The following PRR16 variants were observed in gnomAD, a reference collection of about 807,000 sequenced individuals.
The protein encoded by PRR16 is proline rich 16, also known as protein Largen.
Under a neutral mutation model 18.2 loss-of-function variants are expected in PRR16, and 6 were observed. The observed-to-expected ratio is 0.33, with a 90% CI of 0.18 to 0.65. The LOEUF is 0.65. Ranked by LOEUF, PRR16 falls within the 30% of genes least tolerant of loss-of-function variation. The probability of loss-of-function intolerance (pLI) is 0.74; values close to 1 mark genes in which losing one functional copy is unlikely to be tolerated. For synonymous variants in PRR16, 151 were observed against 147.8 expected (o/e 1.02, Z -0.16); for missense variants, 412 against 376.6 (o/e 1.09, Z -0.78).
intron 1 of PRR16, among the ~76,000 whole-genome samples, chr5:120,588,904 C>G (rs909853940): frequency 3.3e-5 from 5 of 151,856 alleles, no homozygotes; most frequent in Admixed American, 3.3e-4. Context: ...AATAGGTTAT[C>G]TCTCTCTGTC....
chr5:120,646,130 G>A (rs1755594237), intron 1 of PRR16, among the ~76,000 whole-genome samples: 1 of 147,102 alleles, frequency 6.8e-6, no homozygotes, highest in African/African-American at 2.5e-5. Flanking sequence ...AAATGTAAAA[G>A]TGGCATGGGG....
the PRR16 span, among the ~76,000 whole-genome samples, chr5:120,737,308 T>A: frequency 6.0e-4 from 1 of 1,660 alleles, no homozygotes; most frequent in Non-Finnish European, 2.4e-3. Flanking sequence ...GTTTGTTGAG[T>A]TTTTTTTTTT....
the PRR16 span, among the ~76,000 whole-genome samples, chr5:120,750,131 T>G: frequency 6.6e-6 from 1 of 152,202 alleles, no homozygotes; most frequent in Non-Finnish European, 1.5e-5. Flanking sequence ...TTGAGTGTAA[T>G]ATTTTTGTGG....
At chr5:120,700,706 A>G in the PRR16 span, among the ~76,000 whole-genome samples, 1 of 152,136 alleles carries the variant, frequency 6.6e-6, no homozygotes, top group East Asian at 1.9e-4. Flanking sequence ...CAAGGGAAAC[A>G]GGCCCTTGAA....
At chr5:120,662,797 T>G (rs1756221221) in intron 1 of PRR16, among the ~76,000 whole-genome samples, 1 of 152,144 alleles carries the variant, frequency 6.6e-6, no homozygotes, top group African/African-American at 2.4e-5. Context: ...GAAGGTGAGC[T>G]TATTTCATTC....
chr5:120,733,841 AAAAC>A, the PRR16 span, among the ~76,000 whole-genome samples: 5 of 152,292 alleles, frequency 3.3e-5, no homozygotes, highest in East Asian at 5.8e-4. Flanking sequence ...TTGGTTTGAA[AAAAC>A]AAACAAAAAA....
intron 1 of PRR16, among the ~76,000 whole-genome samples, chr5:120,600,493 A>C (rs1040238687): frequency 1.3e-5 from 2 of 151,950 alleles, no homozygotes; most frequent in African/African-American, 4.8e-5. Context: ...AGCAGCATGT[A>C]AGAGGTAGCA....
At chr5:120,576,709 A>C (rs573530955) in intron 1 of PRR16, among the ~76,000 whole-genome samples, 6 of 152,174 alleles carry the variant, frequency 3.9e-5, no homozygotes, top group Admixed American at 3.3e-4. Context: ...ACCCAAACTG[A>C]TATCAGATCT....
chr5:120,766,444 C>CT, the PRR16 span, among the ~76,000 whole-genome samples: 1 of 151,898 alleles, frequency 6.6e-6, no homozygotes, highest in Admixed American at 6.6e-5. Flanking sequence ...TCTATTATAT[C>CT]TTTTTTTCAT....
intron 1 of PRR16, among the ~76,000 whole-genome samples, chr5:120,637,316 G>C (rs1448613857): frequency 7.2e-5 from 1 of 13,852 alleles, no homozygotes; most frequent in Admixed American, 1.2e-3. Flanking sequence ...GCCATTATAC[G>C]GAAAAAAAAA....
the PRR16 span, among the ~76,000 whole-genome samples, chr5:120,750,723 T>C: frequency 6.6e-6 from 1 of 152,138 alleles, no homozygotes. Context: ...ACATGTGTTA[T>C]TTTGATATAA....
intron 1 of PRR16, among the ~76,000 whole-genome samples, chr5:120,616,175 G>A (rs1386259182): frequency 6.6e-6 from 1 of 152,138 alleles, no homozygotes; most frequent in Non-Finnish European, 1.5e-5. Flanking sequence ...GTCAGTAATT[G>A]AGCAAGCTGG....
At chr5:120,736,537 C>CT in the PRR16 span, among the ~76,000 whole-genome samples, 1,997 of 53,986 alleles carry the variant, frequency 0.037, 248 homozygotes, top group African/African-American at 0.073. Context: ...AGTGTAAAGG[C>CT]TTTTTTTTTT....
chr5:120,771,416 T>C, the PRR16 span, among the ~76,000 whole-genome samples: 2 of 152,044 alleles, frequency 1.3e-5, no homozygotes, highest in Non-Finnish European at 2.9e-5. Context: ...CAGCATACTA[T>C]ACACAAAAGC....
At chr5:120,777,199 A>T in the PRR16 span, among the ~76,000 whole-genome samples, 1 of 152,112 alleles carries the variant, frequency 6.6e-6, no homozygotes, top group African/African-American at 2.4e-5. Context: ...AATAACTTTA[A>T]GGCAATGAAA....
chr5:120,729,461 C>T, the PRR16 span, among the ~76,000 whole-genome samples: 2 of 152,108 alleles, frequency 1.3e-5, no homozygotes, highest in African/African-American at 4.8e-5. Flanking sequence ...AAAAGATGCT[C>T]ACTAATATAT....
At chr5:120,524,947 T>C (rs1306712416) in intron 1 of PRR16, among the ~76,000 whole-genome samples, 1 of 152,130 alleles carries the variant, frequency 6.6e-6, no homozygotes, top group Non-Finnish European at 1.5e-5. Context: ...TCTTAAAATA[T>C]GATAATATAA....
chr5:120,714,567 G>A, the PRR16 span, among the ~76,000 whole-genome samples: 7 of 135,454 alleles, frequency 5.2e-5, no homozygotes, highest in African/African-American at 1.7e-4. Context: ...AACCATTGTA[G>A]AAGACAGTAT....
At position 120,574,925 on chromosome 5, in the gene PRR16, G is replaced by A. The variant is rs890654781; in HGVS notation, c.159+110280G>A. 5.4e-5 allele frequency among the ~76,000 whole-genome samples: 8 copies of A among 148,676 alleles called. 1 individual carries two copies. The highest frequency in any genetic ancestry group is 1.8e-4 in the African/African-American group (7 of 38,084). On this transcript the variant is annotated intron_variant, in intron 1 of 1. Transcript: ENST00000407149. ...TAACAAAGGAATTTGTTCGTATACA[G>A]CAGTCTCCCCTTATACACAGTTTCA...
Sources: gnomAD v4.1 joint callset for allele counts (sites outside exome capture counted in the v4.1 genomes callset) on GRCh38, gnomAD v4.1.1 for gene constraint, MANE v1.5 for transcripts, NCBI Gene and HGNC (gene_info 2026-07-23, HGNC 2026-07-21) for gene names.